The following SSU72 variants were observed in gnomAD, a reference collection of about 807,000 sequenced individuals.
SSU72 encodes the protein SSU72 homolog, RNA polymerase II CTD phosphatase.
SSU72 carries 12 observed loss-of-function variants against 22.7 expected under a neutral mutation model. The ratio of observed to expected loss-of-function variants is 0.53; its 90% CI spans 0.34 to 0.86. The LOEUF (loss-of-function observed/expected upper bound fraction) is 0.86, where lower values mean the gene tolerates loss of function less well. SSU72 is among the 40% of genes least tolerant of loss of function. SSU72 has a pLI of 0.02. For synonymous variants in SSU72, 116 were observed against 98.3 expected (o/e 1.18, Z -1.06); for missense variants, 151 against 249.8 (o/e 0.60, Z 2.67).
chr1:1,542,078 G>A lies in SSU72; in HGVS notation c.573C>T (p.Val191=). ...EKSGRTFLHT[V]CFY ...GCGGGCGCTGGGCTCAGTAGAAGCAGACGGTGTGCAGAAAGGTGCGGCCAC... is the reference window on the plus strand; with the variant it reads ...GCGGGCGCTGGGCTCAGTAGAAGCAAACGGTGTGCAGAAAGGTGCGGCCAC... Residue 191 remains valine, a synonymous_variant, in exon 5 of 5, where the codon GTC becomes GTT. Coordinates refer to ENST00000291386, the MANE Select transcript of SSU72 (RefSeq NM_014188.3). This position sits in a 1 kb window ranked among gnomAD's most constrained non-coding sequence, Gnocchi z 4.4. 1 of 1,583,166 alleles carries A rather than the reference G, an allele frequency of 6.3e-7. No individual in the cohort carries two copies. Among genetic ancestry groups the A allele is most frequent in the South Asian group, 1.2e-5 (1 of 86,662 alleles).
intron 4 of SSU72, among the ~76,000 whole-genome samples, chr1:1,543,337 C>T (rs1642348167): frequency 6.6e-6 from 1 of 152,232 alleles, no homozygotes; most frequent in Admixed American, 6.5e-5. Flanking sequence ...ATGCTCTGCT[C>T]ACTGAGGTGG....
In SSU72 at chr1:1,574,592, G is replaced by C. The variant is rs1267740680; in HGVS notation, c.-35C>G. 7 of 1,570,840 alleles carry C rather than the reference G, an allele frequency of 4.5e-6. No homozygotes were observed. In the East Asian group the frequency reaches 1.5e-4, roughly 34 times the overall value. Reference sequence around the variant, plus strand: ...CGCAAATCCCGCGGCTCTCCCGCTTGGGTTCCCACCCTACCGCGGCGCTTC... The same window carrying C: ...CGCAAATCCCGCGGCTCTCCCGCTTCGGTTCCCACCCTACCGCGGCGCTTC... On this transcript the variant is annotated 5_prime_UTR_variant, in exon 1 of 5. Coordinates refer to ENST00000291386, the MANE Select transcript of SSU72 (RefSeq NM_014188.3).
At chr1:1,557,510 G>A (rs1642535936) in intron 2 of SSU72, among the ~76,000 whole-genome samples, 1 of 151,420 alleles carries the variant, frequency 6.6e-6, no homozygotes, top group Non-Finnish European at 1.5e-5. Flanking sequence ...ATATATATAT[G>A]GGGCCGGACA....
intron 2 of SSU72, among the ~76,000 whole-genome samples, chr1:1,557,184 G>C (rs1051163342): frequency 6.6e-6 from 1 of 151,416 alleles, no homozygotes; most frequent in Non-Finnish European, 1.5e-5. Flanking sequence ...TGGCCGAGGC[G>C]GGTGAATCAC....
chr1:1,571,449 A>AG, intron 1 of SSU72, among the ~76,000 whole-genome samples: 1 of 150,914 alleles, frequency 6.6e-6, no homozygotes, highest in African/African-American at 2.4e-5. Flanking sequence ...AAAAAAAAAA[A>AG]GGAAATTGAA....
At chr1:1,558,611 AAC>A (rs1425851450) in intron 2 of SSU72, among the ~76,000 whole-genome samples, 1 of 152,232 alleles carries the variant, frequency 6.6e-6, no homozygotes, top group Non-Finnish European at 1.5e-5. Context: ...TGCAGTTCAT[AAC>A]ACAAAAAGCT....
intron 1 of SSU72, among the ~76,000 whole-genome samples, chr1:1,569,180 T>A (rs7552586): frequency 0.52 from 78,510 of 150,944 alleles, 24,815 homozygotes; most frequent in East Asian, 0.87. Flanking sequence ...TCTCAAAAAA[T>A]AAAATAAAAG....
At chr1:1,574,244 C>T (rs981206949) in intron 1 of SSU72, among the ~76,000 whole-genome samples, 2 of 151,844 alleles carry the variant, frequency 1.3e-5, no homozygotes, top group African/African-American at 4.8e-5. Context: ...TCGGAGAGCT[C>T]GAAGGACCAC....
chr1:1,551,477 A>C (rs888461006), intron 2 of SSU72, among the ~76,000 whole-genome samples: 1 of 152,138 alleles, frequency 6.6e-6, no homozygotes, highest in African/African-American at 2.4e-5. Context: ...ATGAATTGAG[A>C]AGTACAAAGT....
At chr1:1,571,029 G>T (rs1431314002) in intron 1 of SSU72, among the ~76,000 whole-genome samples, 1 of 151,980 alleles carries the variant, frequency 6.6e-6, no homozygotes, top group Non-Finnish European at 1.5e-5. Flanking sequence ...GGCGGATCAC[G>T]AGGTCAGGAG....
chr1:1,542,132 G>C lies in SSU72; in HGVS notation c.519C>G (p.Asp173Glu), dbSNP rs572352802. 1 of 1,593,738 alleles carries C rather than the reference G, an allele frequency of 6.3e-7. No individual in the cohort carries two copies. The highest frequency in any genetic ancestry group is 1.3e-5 in the African/African-American group (1 of 74,802). ...TCTCCTCGAACTCCTGCAGCAGCTC[G>C]TCGATCTCGTTCTCCATGTCTTCCG... ...QHTEDMENEI[D>E]ELLQEFEEKS... The change falls in exon 5 of 5, where the codon GAC becomes GAG. Residue 173 changes from aspartate to glutamate, a missense_variant. Physicochemically the swap from Asp to Glu is conservative, Grantham distance 45 (BLOSUM62 2). Transcript: ENST00000291386. This position sits in a 1 kb window ranked among gnomAD's most constrained non-coding sequence, Gnocchi z 4.4.
intron 1 of SSU72, among the ~76,000 whole-genome samples, chr1:1,566,181 C>T (rs928012657): frequency 6.6e-6 from 1 of 152,138 alleles, no homozygotes; most frequent in Admixed American, 6.6e-5. Flanking sequence ...ATGAGAATCG[C>T]TTGAACCCAG....
intron 2 of SSU72, chr1:1,560,819 C>G (rs1192291899): frequency 3.3e-5 from 5 of 152,084 alleles, no homozygotes; most frequent in Non-Finnish European, 7.4e-5. Flanking sequence ...AGACCCATAT[C>G]TAAAAAAATA....
intron 1 of SSU72, among the ~76,000 whole-genome samples, chr1:1,570,916 C>G (rs940466458): frequency 6.6e-6 from 1 of 151,024 alleles, no homozygotes; most frequent in Non-Finnish European, 1.5e-5. Context: ...TCGAGACCAC[C>G]CTGGCCAACA....
In SSU72 at chr1:1,569,136, T is replaced by C. The variant is rs1337650088; in HGVS notation, c.81-4220A>G. Among the ~76,000 whole-genome samples, 5 of 151,336 alleles carry C rather than the reference T, an allele frequency of 3.3e-5. No homozygotes were observed. The East Asian group carries it at 9.7e-4, about 29-fold the overall frequency. ...CTGCAGTGAGCCGAGATCTTGCCAC[T>C]GCACTCCAGCCTGGGCGACAGAATG... On this transcript the variant is annotated intron_variant, in intron 1 of 4. Transcript: ENST00000291386.
intron 1 of SSU72, among the ~76,000 whole-genome samples, chr1:1,570,170 T>C (rs1481109898): frequency 6.6e-6 from 1 of 151,368 alleles, no homozygotes. Context: ...GCCTCACACC[T>C]GTAATCCAAA....
At chr1:1,558,981 A>G (rs981461806) in intron 2 of SSU72, among the ~76,000 whole-genome samples, 3 of 152,240 alleles carry the variant, frequency 2.0e-5, no homozygotes, top group African/African-American at 7.2e-5. Flanking sequence ...ATCCTGCAAG[A>G]AAGCTCAACT....
Position 1,541,985 on chromosome 1 carries a change from C to G in SSU72, c.*81G>C. ...AATGCTACCGTCACCAGCAGAACAC[C>G]TGTAAGTAAAAACAAATGTCAGGAA... On this transcript the variant is annotated 3_prime_UTR_variant, in exon 5 of 5. Coordinates refer to ENST00000291386, the MANE Select transcript of SSU72 (RefSeq NM_014188.3). 7.3e-7 allele frequency: 1 copy of G among 1,361,536 alleles called. No homozygotes were observed. The highest frequency in any genetic ancestry group is 1.0e-6 in the Non-Finnish European group (1 of 977,260). 84.3% of individuals were successfully genotyped at this position (1,361,536 alleles called of 1,614,324 possible).
Position 1,546,869 on chromosome 1 carries a change from A to C in SSU72, c.225-1867T>G, listed in dbSNP as rs946958870. 2.0e-3 allele frequency among the ~76,000 whole-genome samples: 236 copies of C among 121,020 alleles called. 3 individuals carry two copies. Among genetic ancestry groups the C allele is most frequent in the Middle Eastern group, 0.012 (3 of 254 alleles). 79.4% of individuals were successfully genotyped at this position (121,020 alleles called of 152,430 possible). A position where few individuals can be genotyped will look rare whatever the true frequency, so the allele number is the denominator to read the frequency against. ...AAAACAACAACAACAACAAAAAAAA[A>C]AAAAAAAAAAAAAAAGGCCGGGCGC... is the stretch of plus-strand genomic sequence containing the variant. On this transcript the variant is annotated intron_variant, in intron 2 of 4. Coordinates refer to ENST00000291386, the MANE Select transcript of SSU72 (RefSeq NM_014188.3).
Sources: allele counts gnomAD v4.1 joint callset (sites outside exome capture counted in the v4.1 genomes callset), GRCh38; gene constraint gnomAD v4.1.1; non-coding constraint Gnocchi (gnomAD v3.1); transcripts MANE v1.5; gene names NCBI Gene and HGNC (gene_info 2026-07-23, HGNC 2026-07-21).